STT3B: variants seen among roughly 807,000 people sequenced by gnomAD.
The protein encoded by STT3B is dolichyl-diphosphooligosaccharide--protein glycosyltransferase subunit STT3B.
Under a neutral mutation model 96.8 loss-of-function variants are expected in STT3B, and 29 were observed. The ratio of observed to expected loss-of-function variants is 0.30; its 90% CI spans 0.22 to 0.41. The LOEUF is 0.41. Ranked by LOEUF, STT3B falls within the 10% of genes least tolerant of loss-of-function variation. STT3B has a pLI of 1.00. For missense variants in STT3B, 640 were observed against 1,022.3 expected, an observed-to-expected ratio of 0.63 and a Z score of 5.10; for synonymous variants, 367 against 360.0, an observed-to-expected ratio of 1.02 and a Z score of -0.22.
Position 31,546,916 on chromosome 3 carries a change from C to G in STT3B, c.314+13604C>G, listed in dbSNP as rs146830952. On this transcript the variant is annotated intron_variant, in intron 1 of 15. Transcript: ENST00000295770. ...ATGTTAAAAGGAAAGGCCTTGAAGTCAGCCTCCAGGGTGACATTTTTGTTA... is the reference window on the plus strand; with the variant it reads ...ATGTTAAAAGGAAAGGCCTTGAAGTGAGCCTCCAGGGTGACATTTTTGTTA... 4.9e-3 allele frequency among the ~76,000 whole-genome samples: 752 copies of G among 152,254 alleles called. 4 individuals carry two copies. Among genetic ancestry groups the G allele is most frequent in the African/African-American group, 0.017 (716 of 41,538 alleles).
At chr3:31,565,676 G>A (rs539291082) in intron 1 of STT3B, among the ~76,000 whole-genome samples, 6 of 152,186 alleles carry the variant, frequency 3.9e-5, no homozygotes, top group Non-Finnish European at 8.8e-5. Flanking sequence ...ACTTATTGGA[G>A]GATTTGTTTG....
intron 4 of STT3B, among the ~76,000 whole-genome samples, chr3:31,599,912 T>C (rs1298683554): frequency 6.6e-6 from 1 of 152,178 alleles, no homozygotes; most frequent in Non-Finnish European, 1.5e-5. Context: ...CTGAATTTTT[T>C]TTAGTTGTCA....
intron 1 of STT3B, among the ~76,000 whole-genome samples, chr3:31,565,065 G>A (rs1448033703): frequency 6.6e-6 from 1 of 152,140 alleles, no homozygotes; most frequent in Non-Finnish European, 1.5e-5. Flanking sequence ...TTCCTTCCTT[G>A]CATTCTCTCA....
chr3:31,607,503 G>A (rs935130662), intron 5 of STT3B, among the ~76,000 whole-genome samples: 7 of 152,010 alleles, frequency 4.6e-5, no homozygotes, highest in African/African-American at 1.2e-4. Flanking sequence ...AACTCCTTTC[G>A]CTTGGTTTTC....
chr3:31,600,043 C>T (rs1455602670), intron 4 of STT3B, among the ~76,000 whole-genome samples: 1 of 152,094 alleles, frequency 6.6e-6, no homozygotes, highest in Admixed American at 6.5e-5. Context: ...TCCTAAAACT[C>T]CTTGTCTCTA....
chr3:31,604,683 T>C lies in STT3B; in HGVS notation c.877+4224T>C, dbSNP rs536481760. On this transcript the variant is annotated intron_variant, in intron 5 of 15. Transcript: ENST00000295770. ...TAATAGCATATGATCAAAATGGAAA[T>C]AGGGAAAAATTTGTGAAAATCAGTT... is the stretch of plus-strand genomic sequence containing the variant. Among the ~76,000 whole-genome samples the C allele has an allele frequency of 9.8e-5, 15 of 152,290 alleles. No individual in the cohort carries two copies. In the South Asian group the frequency reaches 1.2e-3, roughly 13 times the overall value.
chr3:31,627,268 T>C (rs7626923), intron 13 of STT3B, among the ~76,000 whole-genome samples: 140,162 of 152,198 alleles, frequency 0.92, 64,702 homozygotes, highest in East Asian at 0.96. Flanking sequence ...TTCATAGGAG[T>C]ACAAACCCTA....
chr3:31,558,676 CAT>C (rs1408156080), intron 1 of STT3B, among the ~76,000 whole-genome samples: 1 of 152,080 alleles, frequency 6.6e-6, no homozygotes, highest in Non-Finnish European at 1.5e-5. Context: ...GGTAATGCCT[CAT>C]AGAAAAAGTT....
chr3:31,603,047 TGG>T (rs1698966793), intron 5 of STT3B, among the ~76,000 whole-genome samples: 1 of 152,186 alleles, frequency 6.6e-6, no homozygotes, highest in Admixed American at 6.5e-5. Context: ...TCTTTGATTT[TGG>T]CACGTAACAT....
At chr3:31,556,161 T>G in intron 1 of STT3B, among the ~76,000 whole-genome samples, 1 of 152,284 alleles carries the variant, frequency 6.6e-6, no homozygotes, top group Non-Finnish European at 1.5e-5. Flanking sequence ...GAAATTTGTC[T>G]TTCAGTGTCT....
rs529313533 is a variant in STT3B, at chr3:31,546,828, T to A, written c.314+13516T>A. On this transcript the variant is annotated intron_variant, in intron 1 of 15. Coordinates refer to ENST00000295770, the MANE Select transcript of STT3B (RefSeq NM_178862.3). ...ATTCCAGTTTGTGCCTAATTGGTCC[T>A]TAAAGCAATCCTATTAGATATTTTA... 5.9e-5 allele frequency among the ~76,000 whole-genome samples: 9 copies of A among 152,322 alleles called. No homozygotes were observed. The South Asian group carries it at 1.9e-3, about 32-fold the overall frequency.
At chr3:31,611,628 C>G (rs2125469809) in intron 5 of STT3B, among the ~76,000 whole-genome samples, 1 of 152,280 alleles carries the variant, frequency 6.6e-6, no homozygotes, top group Admixed American at 6.5e-5. Context: ...TCCCAAGTAG[C>G]TGGGATTACA....
At chr3:31,533,847 G>A (rs1244877391) in intron 1 of STT3B, among the ~76,000 whole-genome samples, 1 of 152,242 alleles carries the variant, frequency 6.6e-6, no homozygotes, top group Non-Finnish European at 1.5e-5. Context: ...CGGAACCCCG[G>A]CTGCTCACCC....
intron 1 of STT3B, among the ~76,000 whole-genome samples, chr3:31,535,102 G>A (rs1697053617): frequency 1.3e-5 from 2 of 148,716 alleles, no homozygotes; most frequent in Non-Finnish European, 3.0e-5. Context: ...TATTTCCATA[G>A]TAACATTTTT....
chr3:31,597,996 C>T (rs544125775), intron 4 of STT3B, among the ~76,000 whole-genome samples: 344 of 151,630 alleles, frequency 2.3e-3, no homozygotes, highest in Non-Finnish European at 3.3e-3. Context: ...CCACTATGCC[C>T]GGCTAATTTT....
intron 5 of STT3B, among the ~76,000 whole-genome samples, chr3:31,604,811 T>C (rs1174025606): frequency 6.6e-6 from 1 of 152,134 alleles, no homozygotes; most frequent in African/African-American, 2.4e-5. Context: ...AATGTAACCA[T>C]AAATAAAAGG....
At chr3:31,562,456 T>C (rs1203784893) in intron 1 of STT3B, among the ~76,000 whole-genome samples, 1 of 152,038 alleles carries the variant, frequency 6.6e-6, no homozygotes, top group Non-Finnish European at 1.5e-5. Flanking sequence ...GGATTGTGTG[T>C]TTGGGTACTT....
At chr3:31,571,050 T>C (rs1698124369) in intron 1 of STT3B, among the ~76,000 whole-genome samples, 4 of 152,094 alleles carry the variant, frequency 2.6e-5, no homozygotes, top group African/African-American at 9.7e-5. Context: ...CAAAGCCTAG[T>C]TGAGAAGAGG....
intron 1 of STT3B, among the ~76,000 whole-genome samples, chr3:31,541,636 G>C (rs1373741437): frequency 1.3e-5 from 2 of 151,982 alleles, no homozygotes; most frequent in Non-Finnish European, 2.9e-5. Context: ...GATTGCAGTG[G>C]CGCGATCTCA....
Sources: allele counts gnomAD v4.1 joint callset (sites outside exome capture counted in the v4.1 genomes callset), GRCh38; gene constraint gnomAD v4.1.1; transcripts MANE v1.5; gene names NCBI Gene and HGNC (gene_info 2026-07-23, HGNC 2026-07-21).